LIMS2: variants seen among roughly 807,000 people sequenced by gnomAD.
LIMS2 encodes the protein LIM and senescent cell antigen-like-containing domain protein 2.
A neutral mutation model predicts 45.3 loss-of-function variants in LIMS2; 30 were observed. The observed-to-expected ratio is 0.66, with a 90% CI of 0.50 to 0.90. The LOEUF (loss-of-function observed/expected upper bound fraction) is 0.90. LIMS2 is among the 40% of genes least tolerant of loss of function. The pLI is 0.00. For missense variants in LIMS2, 485 were observed against 468.7 expected (o/e 1.03, Z -0.32); for synonymous variants, 173 against 188.0 (o/e 0.92, Z 0.65).
At chr2:127,668,583 C>T (rs1227746107) in intron 1 of LIMS2, among the ~76,000 whole-genome samples, 4 of 137,962 alleles carry the variant, frequency 2.9e-5, no homozygotes, top group East Asian at 4.8e-4. Flanking sequence ...GCAGGAGAAT[C>T]GCTTGAACCC....
intron 4 of LIMS2, chr2:127,650,573 G>A: frequency 4.8e-6 from 3 of 627,286 alleles, no homozygotes; most frequent in Middle Eastern, 3.2e-4. Context: ...GGACAAGGAG[G>A]TCCCCTCAGC....
At chr2:127,641,781 T>G in intron 6 of LIMS2, 1 of 420,640 alleles carries the variant, frequency 2.4e-6, no homozygotes, top group Non-Finnish European at 4.3e-6. Flanking sequence ...CTCCTGACCT[T>G]GGAGTCTCTT....
rs898111679 is a variant in LIMS2 at position 127,667,247 on chromosome 2, C to T, written c.11+7767G>A. On this transcript the variant is annotated intron_variant, in intron 1 of 9. Transcript: ENST00000355119. The surrounding 1 kb of genome is among the most constrained non-coding windows in gnomAD (Gnocchi z 4.1). ...CGGAGGTTGCAGTGAGCTGAGATCA[C>T]GCCACTGCACTCCAGCCTGGGTGAC... Among the ~76,000 whole-genome samples, 7 of 152,066 alleles carry T rather than the reference C, an allele frequency of 4.6e-5. No individual in the cohort carries two copies. The highest frequency in any genetic ancestry group is 9.7e-5 in the African/African-American group (4 of 41,408).
Position 127,654,701 on chromosome 2 carries a change from G to A in LIMS2, c.238+129C>T, listed in dbSNP as rs569077372. On this transcript the variant is annotated intron_variant, in intron 3 of 9. Coordinates refer to ENST00000355119, the MANE Select transcript of LIMS2 (RefSeq NM_001161403.3). The stretch of plus-strand genomic sequence containing the variant: ...GCCTGTAGGGGGCCTGACGGCTGCC[G>A]CTCAGAGAGGCAAGGTGGGGAGTTA... The A allele has an allele frequency of 3.8e-5, 55 of 1,450,966 alleles. No individual in the cohort carries two copies. The Middle Eastern group carries it at 8.9e-4, about 23-fold the overall frequency. The allele number at this position is 1,450,966 out of a possible 1,614,324, so 89.9% of individuals were successfully genotyped here.
upstream of LIMS2, among the ~76,000 whole-genome samples, chr2:127,678,669 G>A (rs1235116572): frequency 6.6e-6 from 1 of 152,164 alleles, no homozygotes; most frequent in Non-Finnish European, 1.5e-5. The surrounding 1 kb of genome is among the most constrained non-coding windows in gnomAD (Gnocchi z 5.3). Context: ...CAGGTGTGGT[G>A]GTTGTGGGGC....
chr2:127,648,922 GAAAGAAAA>G (rs1683285882), intron 4 of LIMS2, among the ~76,000 whole-genome samples: 1 of 122,202 alleles, frequency 8.2e-6, no homozygotes, highest in Non-Finnish European at 1.7e-5. Flanking sequence ...TTGAAAAAGA[GAAAGAAAA>G]AAAGAAAAAA....
chr2:127,640,825 C>G, intron 7 of LIMS2, 71 bp downstream of exon 7: 1 of 1,401,120 alleles, frequency 7.1e-7, no homozygotes, highest in Non-Finnish European at 1.0e-6. Flanking sequence ...CCCACAGCCT[C>G]CCTTGCTCAC....
Position 127,642,083 on chromosome 2 carries a change from A to G in LIMS2, c.626T>C (p.Val209Ala), listed in dbSNP as rs759090074. Residue 209 changes from valine (V) to alanine (A), a missense_variant, in exon 6 of 10, where the codon GTG becomes GCG. Physicochemically the swap from Val to Ala is moderately conservative, Grantham distance 64. Coordinates refer to ENST00000355119, the MANE Select transcript of LIMS2 (RefSeq NM_001161403.3). The surrounding 1 kb of genome is among the most constrained non-coding windows in gnomAD (Gnocchi z 5.3). ...GACRRPIEGR[V>A]VNALGKQWHV... The stretch of plus-strand genomic sequence containing the variant: ...CCACTGCTTGCCCAGCGCGTTGACC[A>G]CTCGGCCCTCGATGGGCCGGCGGCA... The G allele has an allele frequency of 9.3e-6, 15 of 1,610,260 alleles. No homozygotes were observed. The East Asian group carries it at 2.7e-4, about 29-fold the overall frequency.
Position 127,640,934 on chromosome 2 carries a change from TCTC to T in LIMS2, c.712_714del (p.Glu238del). ...GTCTCGCAGTAGGCCAGGCCCTTCTTCTCATAGTGCCGGTGCCCCAGGAATGGC... is the reference window on the plus strand; with the variant it reads ...GTCTCGCAGTAGGCCAGGCCCTTCTTATAGTGCCGGTGCCCCAGGAATGGC... On this transcript the variant is annotated inframe_deletion, in exon 7 of 10. Coordinates refer to ENST00000355119, the MANE Select transcript of LIMS2 (RefSeq NM_001161403.3). 6.2e-7 allele frequency: 1 copy of T among 1,613,894 alleles called. No individual in the cohort carries two copies. Among genetic ancestry groups the T allele is most frequent in the Non-Finnish European group, 8.5e-7 (1 of 1,179,916 alleles).
In LIMS2 at chr2:127,651,057, G is replaced by A. The variant is rs561460014; in HGVS notation, c.359+3367C>T. ...TGGGGAAATCGCATGCCGTCTCACC[G>A]GCTTCCTCTTCTACCTCAACATGTA... On this transcript the variant is annotated intron_variant, in intron 4 of 9. Coordinates refer to ENST00000355119, the MANE Select transcript of LIMS2 (RefSeq NM_001161403.3). 203 of 1,613,702 alleles carry A rather than the reference G, an allele frequency of 1.3e-4. 1 individual carries two copies. The highest frequency in any genetic ancestry group is 5.6e-4 in the South Asian group (51 of 91,084).
intron 1 of LIMS2, among the ~76,000 whole-genome samples, chr2:127,668,694 A>C (rs1249900355): frequency 8.9e-5 from 12 of 134,332 alleles, no homozygotes; most frequent in East Asian, 2.1e-4. Flanking sequence ...AAAAAAAAAA[A>C]AAAAAAAAAA....
chr2:127,644,968 A>C (rs376328080), intron 4 of LIMS2, among the ~76,000 whole-genome samples: 9 of 152,350 alleles, frequency 5.9e-5, no homozygotes, highest in African/African-American at 2.2e-4. Context: ...TTCTCAACAG[A>C]CCAGATCACA....
At chr2:127,661,020 GA>G (rs148859600) in intron 1 of LIMS2, among the ~76,000 whole-genome samples, 5,924 of 152,300 alleles carry the variant, frequency 0.039, 204 homozygotes, top group African/African-American at 0.094. Flanking sequence ...GCAGCTCTGT[GA>G]GGGAACATTC....
intron 1 of LIMS2, among the ~76,000 whole-genome samples, chr2:127,660,747 A>C (rs527267368): frequency 6.6e-6 from 1 of 152,346 alleles, no homozygotes; most frequent in Non-Finnish European, 1.5e-5. Flanking sequence ...AATGCTGGAC[A>C]CACCTGGTCA....
chr2:127,675,170 A>T lies in LIMS2; in HGVS notation c.-146T>A. 2 of 326,202 alleles carry T rather than the reference A, an allele frequency of 6.1e-6. No individual in the cohort carries two copies. The highest frequency in any genetic ancestry group is 4.1e-6 in the Non-Finnish European group (1 of 241,996). The allele number at this position is 326,202 out of a possible 1,614,324, so 20.2% of individuals were successfully genotyped here. A position where few individuals can be genotyped will look rare whatever the true frequency, so the allele number is the denominator to read the frequency against. ...AAGGCCAAGAGCCGCTCCGCCCGCG[A>T]GAGGGGTGGGCGGGGGTGGCAGGGT... On this transcript the variant is annotated 5_prime_UTR_variant, in exon 1 of 10. Coordinates refer to ENST00000355119, the MANE Select transcript of LIMS2 (RefSeq NM_001161403.3).
chr2:127,652,208 C>A, intron 4 of LIMS2: 1 of 210,402 alleles, frequency 4.8e-6, no homozygotes. Context: ...TACTCCTTTG[C>A]AGTGCAAGGT....
At chr2:127,646,849 A>G (rs886911252) in intron 4 of LIMS2, among the ~76,000 whole-genome samples, 7 of 152,264 alleles carry the variant, frequency 4.6e-5, no homozygotes, top group Non-Finnish European at 7.3e-5. Flanking sequence ...AAAGGGCAAC[A>G]GAGAGTGAAG....
At chr2:127,646,530 T>G (rs974294473) in intron 4 of LIMS2, 1 of 152,252 alleles carries the variant, frequency 6.6e-6, no homozygotes, top group Non-Finnish European at 1.5e-5. Flanking sequence ...CCTTGACCCA[T>G]AGAGGAGCCA....
chr2:127,645,558 C>T (rs6735286), intron 4 of LIMS2, among the ~76,000 whole-genome samples: 2,967 of 152,284 alleles, frequency 0.019, 99 homozygotes, highest in African/African-American at 0.067. Flanking sequence ...TGAGCTGAGC[C>T]GCATCCTCAC....
Sources: allele counts gnomAD v4.1 joint callset (sites outside exome capture counted in the v4.1 genomes callset), GRCh38; gene constraint gnomAD v4.1.1; non-coding constraint Gnocchi (gnomAD v3.1); transcripts MANE v1.5; gene names NCBI Gene and HGNC (gene_info 2026-07-23, HGNC 2026-07-21).